Variants in AP2A2 observed in about 807,000 individuals in gnomAD.
AP2A2 encodes AP-2 complex subunit alpha-2.
A neutral mutation model predicts 104.2 loss-of-function variants in AP2A2; 32 were observed. The observed-to-expected ratio is 0.31, with a 90% confidence interval of 0.23 to 0.41. The LOEUF is 0.41. AP2A2 is among the 10% of genes least tolerant of loss of function. The pLI is 1.00. For synonymous variants in AP2A2, 539 were observed against 533.3 expected (o/e 1.01, Z -0.15); for missense variants, 912 against 1,261.0 (o/e 0.72, Z 4.19).
chr11:940,107 A>G (rs1356723644), intron 1 of AP2A2, among the ~76,000 whole-genome samples: 1 of 151,580 alleles, frequency 6.6e-6, no homozygotes, highest in East Asian at 1.9e-4. Flanking sequence ...GGTGTGTGCC[A>G]CCTGTCTGGT....
intron 14 of AP2A2, among the ~76,000 whole-genome samples, chr11:999,730 T>C (rs1165456430): frequency 6.6e-6 from 1 of 152,224 alleles, no homozygotes; most frequent in Non-Finnish European, 1.5e-5. Context: ...GAGTAAGTTA[T>C]TTGCTTTTTC....
intron 15 of AP2A2, chr11:1,001,304 C>T (rs549385449): frequency 2.6e-5 from 4 of 152,474 alleles, no homozygotes; most frequent in African/African-American, 7.2e-5. Context: ...CTGTGCATTC[C>T]GCTTACTGGC....
chr11:993,697 G>A lies in AP2A2; in HGVS notation c.1551-57G>A, dbSNP rs937142440. ...GCCGCCGTCCCCCCCCCGCGGGGGC[G>A]TGCTGCAGCCTGCGAGGGGACGACG... is the stretch of plus-strand genomic sequence containing the variant. On this transcript the variant is annotated intron_variant, in intron 12 of 21. Transcript: ENST00000448903. The surrounding 1 kb of genome is among the most constrained non-coding windows in gnomAD (Gnocchi z 8.2). 163 of 1,383,674 alleles carry A rather than the reference G, an allele frequency of 1.2e-4. No individual in the cohort carries two copies. Among genetic ancestry groups the A allele is most frequent in the East Asian group, 4.3e-4 (17 of 39,796 alleles). 85.7% of individuals were successfully genotyped at this position (1,383,674 alleles called of 1,614,324 possible).
Position 985,443 on chromosome 11 carries a change from G to A in AP2A2, c.823G>A (p.Val275Met), listed in dbSNP as rs762216045. 9 of 1,613,764 alleles carry A rather than the reference G, an allele frequency of 5.6e-6. No homozygotes were observed. Among genetic ancestry groups the A allele is most frequent in the Non-Finnish European group, 7.6e-6 (9 of 1,179,872 alleles). The change falls in exon 8 of 22, where the codon GTG becomes ATG. Residue 275 changes from valine (V) to methionine (M), a missense_variant. By Grantham distance (21) the Val-to-Met change is conservative (BLOSUM62 1). Coordinates refer to ENST00000448903, the MANE Select transcript of AP2A2 (RefSeq NM_012305.4). The part of the protein sequence containing the change: ...LQCYPPPDPA[V>M]RGRLTECLET... ...TCTGTCTTGCCCAGAAGACCCTGCA[G>A]TGCGAGGCCGCCTGACTGAGTGCCT...
chr11:996,990 A>G (rs1047971053), intron 14 of AP2A2, among the ~76,000 whole-genome samples: 1 of 151,378 alleles, frequency 6.6e-6, no homozygotes, highest in Non-Finnish European at 1.5e-5. Flanking sequence ...GTGCTTTCCA[A>G]TCTGTTCCCA....
At chr11:967,161 T>C (rs1854645427) in intron 2 of AP2A2, among the ~76,000 whole-genome samples, 1 of 151,770 alleles carries the variant, frequency 6.6e-6, no homozygotes, top group African/African-American at 2.4e-5. Context: ...AGCAAGACTG[T>C]CTGGGAAAAA....
intron 2 of AP2A2, among the ~76,000 whole-genome samples, chr11:961,502 A>T (rs558387949): frequency 1.9e-4 from 27 of 143,980 alleles, no homozygotes; most frequent in African/African-American, 7.1e-4. Flanking sequence ...GCAGATGGAG[A>T]TGTGGGTCTG....
In AP2A2 at chr11:1,009,324, A is replaced by G. The variant is rs746297964; in HGVS notation, c.2538-4A>G. 1 of 1,613,622 alleles carries G rather than the reference A, an allele frequency of 6.2e-7. No individual in the cohort carries two copies. Among genetic ancestry groups the G allele is most frequent in the South Asian group, 1.1e-5 (1 of 91,074 alleles). On this transcript the variant is annotated splice_region_variant and splice_polypyrimidine_tract_variant and intron_variant, in intron 19 of 21. Coordinates refer to ENST00000448903, the MANE Select transcript of AP2A2 (RefSeq NM_012305.4). Reference sequence around the variant, plus strand: ...AGAACACTCGCCTTTGCTGTTTCTCACAGTCCACAGCAGGAAGTGCAGAAC... The same window carrying G: ...AGAACACTCGCCTTTGCTGTTTCTCGCAGTCCACAGCAGGAAGTGCAGAAC...
chr11:955,629 C>T (rs1282013715), intron 1 of AP2A2, among the ~76,000 whole-genome samples: 1 of 152,170 alleles, frequency 6.6e-6, no homozygotes, highest in African/African-American at 2.4e-5. Flanking sequence ...GTGCTTGGGT[C>T]GGGGAGCCGC....
intron 15 of AP2A2, among the ~76,000 whole-genome samples, chr11:1,002,579 A>G (rs1466262061): frequency 6.6e-6 from 1 of 152,188 alleles, no homozygotes; most frequent in African/African-American, 2.4e-5. Flanking sequence ...GGCAGGCTGG[A>G]GTGGGGCATT....
intron 1 of AP2A2, among the ~76,000 whole-genome samples, chr11:957,323 G>C (rs1564792560): frequency 6.6e-6 from 1 of 152,206 alleles, no homozygotes; most frequent in Non-Finnish European, 1.5e-5. Context: ...GACTTCATTG[G>C]ATAGGCATGA....
Position 984,713 on chromosome 11 carries a change from T to C in AP2A2, c.774T>C (p.Ser258=). ...TYYFVPAPWL[S]VKLLRLLQCY... ...ATTTTGTCCCGGCTCCCTGGCTGTC[T>C]GTCAAACTGCTGAGACTGCTGCAGT... Residue 258 remains serine, a synonymous_variant, in exon 7 of 22, where the codon TCT becomes TCC. Transcript: ENST00000448903. 2 of 1,613,534 alleles carry C rather than the reference T, an allele frequency of 1.2e-6. No individual in the cohort carries two copies. Among genetic ancestry groups the C allele is most frequent in the Admixed American group, 1.7e-5 (1 of 60,032 alleles).
At chr11:991,424 A>G (rs907569020) in intron 10 of AP2A2, among the ~76,000 whole-genome samples, 2 of 151,992 alleles carry the variant, frequency 1.3e-5, no homozygotes, top group Non-Finnish European at 2.9e-5. Context: ...AGAAGGTGAT[A>G]GTGGCCTGGT....
chr11:976,298 A>G (rs1000452000), intron 4 of AP2A2, among the ~76,000 whole-genome samples: 2 of 152,186 alleles, frequency 1.3e-5, no homozygotes, highest in Non-Finnish European at 2.9e-5. Flanking sequence ...TTGGAATAGT[A>G]TAGGGGGAGA....
chr11:974,439 C>T (rs1295757764), intron 4 of AP2A2, among the ~76,000 whole-genome samples: 1 of 152,180 alleles, frequency 6.6e-6, no homozygotes, highest in Non-Finnish European at 1.5e-5. Flanking sequence ...AATCCCAGCA[C>T]TTGGAAGGCC....
intron 1 of AP2A2, among the ~76,000 whole-genome samples, chr11:937,057 G>A (rs758258893): frequency 2.6e-5 from 4 of 151,804 alleles, no homozygotes; most frequent in Non-Finnish European, 5.9e-5. Flanking sequence ...TGGAGTCTCT[G>A]TCGCCCAGGC....
At chr11:960,857 C>G (rs945575358) in intron 2 of AP2A2, among the ~76,000 whole-genome samples, 2 of 152,046 alleles carry the variant, frequency 1.3e-5, no homozygotes, top group African/African-American at 2.4e-5. Context: ...GGGGGTTTCT[C>G]CATGTTGGTC....
In AP2A2 at chr11:1,011,808, T is replaced by A. The variant is rs1856442370; in HGVS notation, c.*1183T>A. ...CTCAGTTGCCTGCTGTGCGGGTCCC[T>A]GGGGCAGCTGCAGGGGCTCATGGAC... On this transcript the variant is annotated 3_prime_UTR_variant, in exon 22 of 22. Transcript: ENST00000448903. 6.7e-6 allele frequency: 2 copies of A among 298,452 alleles called. No individual in the cohort carries two copies. Among genetic ancestry groups the A allele is most frequent in the Non-Finnish European group, 1.3e-5 (2 of 151,268 alleles). 18.5% of individuals were successfully genotyped at this position (298,452 alleles called of 1,614,324 possible).
chr11:1,009,879 G>A (rs886443325), intron 21 of AP2A2, 62 bp downstream of exon 21: 17 of 1,507,758 alleles, frequency 1.1e-5, no homozygotes, highest in South Asian at 8.6e-5. Context: ...CACAATGTAC[G>A]TGGTGAGATG....
Sources: gnomAD v4.1 joint callset for allele counts (sites outside exome capture counted in the v4.1 genomes callset) on GRCh38, gnomAD v4.1.1 for gene constraint, Gnocchi (gnomAD v3.1) non-coding constraint, MANE v1.5 for transcripts, NCBI Gene and HGNC (gene_info 2026-07-23, HGNC 2026-07-21) for gene names.